SHROOM3: variants seen among roughly 807,000 people sequenced by gnomAD.
The protein encoded by SHROOM3 is shroom family member 3.
Under a neutral mutation model 138.6 loss-of-function variants are expected in SHROOM3, and 47 were observed. That is an observed-to-expected ratio of 0.34 (90% CI 0.27 to 0.43). The LOEUF (loss-of-function observed/expected upper bound fraction) is 0.43, where lower values mean the gene tolerates loss of function less well. SHROOM3 is among the 20% of genes least tolerant of loss of function. The pLI is 1.00. For missense variants in SHROOM3, 2,491 were observed against 2,596.5 expected, an observed-to-expected ratio of 0.96 and a Z score of 0.88; for synonymous variants, 1,062 against 1,063.3, an observed-to-expected ratio of 1.00 and a Z score of 0.02.
intron 2 of SHROOM3, chr4:76,689,571 A>C: frequency 1.0e-6 from 1 of 984,596 alleles, no homozygotes; most frequent in Non-Finnish European, 1.2e-6. Flanking sequence ...TGGGCCGCCC[A>C]TTGTTGAGCG....
rs146065994 is a variant in SHROOM3, at chr4:76,584,875, G to A, written c.323+29112G>A. Among the ~76,000 whole-genome samples, 12 of 151,832 alleles carry A rather than the reference G, an allele frequency of 7.9e-5. No individual in the cohort carries two copies. The East Asian group carries it at 1.7e-3, about 22-fold the overall frequency. ...AGAAAAAAGGAGGCTACTTTTGAACGAATGCATCTATGATGCCAGATCTAG... is the reference window on the plus strand; with the variant it reads ...AGAAAAAAGGAGGCTACTTTTGAACAAATGCATCTATGATGCCAGATCTAG... On this transcript the variant is annotated intron_variant, in intron 2 of 10. Transcript: ENST00000296043.
At chr4:76,676,825 C>T (rs1460731212) in intron 2 of SHROOM3, among the ~76,000 whole-genome samples, 1 of 151,854 alleles carries the variant, frequency 6.6e-6, no homozygotes, top group African/African-American at 2.4e-5. Flanking sequence ...CGCCTGTAGT[C>T]CCAGCTACTC....
At chr4:76,732,117 T>TATC (rs1477819899) in intron 4 of SHROOM3, among the ~76,000 whole-genome samples, 6 of 152,232 alleles carry the variant, frequency 3.9e-5, no homozygotes, top group African/African-American at 9.6e-5. Context: ...AACTGGAATC[T>TATC]ATCTTCTGAT....
intron 2 of SHROOM3, among the ~76,000 whole-genome samples, chr4:76,640,961 G>A (rs1299849733): frequency 1.3e-5 from 2 of 152,158 alleles, no homozygotes; most frequent in Non-Finnish European, 2.9e-5. Context: ...TACATAAATG[G>A]GAAGAAGGTT....
intron 3 of SHROOM3, among the ~76,000 whole-genome samples, chr4:76,720,334 CTTGT>C (rs1236394692): frequency 1.3e-5 from 2 of 151,752 alleles, no homozygotes. Context: ...TTGAAAGATT[CTTGT>C]TTGTTTCAAA....
chr4:76,650,438 A>G (rs1448057701), intron 2 of SHROOM3, among the ~76,000 whole-genome samples: 2 of 152,202 alleles, frequency 1.3e-5, no homozygotes, highest in East Asian at 1.9e-4. Context: ...ACTGCAGGGT[A>G]TATACCTCAA....
chr4:76,569,231 C>G (rs1733787014), intron 2 of SHROOM3, among the ~76,000 whole-genome samples: 1 of 150,522 alleles, frequency 6.6e-6, no homozygotes, highest in South Asian at 2.1e-4. Flanking sequence ...TAAAATTAGA[C>G]CGAAATCCAA....
In SHROOM3 at chr4:76,539,331, A is replaced by G. The variant is rs72866588; in HGVS notation, c.169-16278A>G. Reference sequence around the variant, plus strand: ...TATCATGTCCAGGGTCTGGGTTCTGATCAGAAGCCTTCCTCTAGGGATGGT... The same window carrying G: ...TATCATGTCCAGGGTCTGGGTTCTGGTCAGAAGCCTTCCTCTAGGGATGGT... On this transcript the variant is annotated intron_variant, in intron 1 of 10. Transcript: ENST00000296043. Among the ~76,000 whole-genome samples, 793 of 152,166 alleles carry G rather than the reference A, an allele frequency of 5.2e-3. 3 individuals carry two copies. The highest frequency in any genetic ancestry group is 0.018 in the African/African-American group (757 of 41,502).
intron 2 of SHROOM3, among the ~76,000 whole-genome samples, chr4:76,704,918 C>T (rs187692235): frequency 6.6e-6 from 1 of 152,206 alleles, no homozygotes; most frequent in Admixed American, 6.5e-5. Context: ...CAGACCATGC[C>T]AAGGAGACAC....
chr4:76,608,091 T>C (rs1734659885), intron 2 of SHROOM3, among the ~76,000 whole-genome samples: 1 of 152,162 alleles, frequency 6.6e-6, no homozygotes, highest in Non-Finnish European at 1.5e-5. Flanking sequence ...GAGGGATGCC[T>C]TCTCCTCCTG....
chr4:76,622,267 C>A (rs1735023101), intron 2 of SHROOM3, among the ~76,000 whole-genome samples: 1 of 152,058 alleles, frequency 6.6e-6, no homozygotes, highest in Non-Finnish European at 1.5e-5. Context: ...AGGACAGCCT[C>A]ATCAGCATGG....
intron 1 of SHROOM3, among the ~76,000 whole-genome samples, chr4:76,459,921 A>G (rs1731107395): frequency 6.6e-6 from 1 of 152,168 alleles, no homozygotes; most frequent in Non-Finnish European, 1.5e-5. Context: ...TTCCTCGTCT[A>G]CAAAGTATGG....
intron 2 of SHROOM3, among the ~76,000 whole-genome samples, chr4:76,581,779 T>G (rs1734058335): frequency 6.6e-6 from 1 of 152,256 alleles, no homozygotes; most frequent in Non-Finnish European, 1.5e-5. Flanking sequence ...CTGCCCAGTT[T>G]TCTTTCAACC....
rs143096207 is a variant in SHROOM3, at chr4:76,665,012, G to T, written c.324-45144G>T. ...AAATATATATATTAACAAAATAAAG[G>T]CTTCCAGGTGATTCAGATGTGCCTC... On this transcript the variant is annotated intron_variant, in intron 2 of 10. Coordinates refer to ENST00000296043, the MANE Select transcript of SHROOM3 (RefSeq NM_020859.4). Among the ~76,000 whole-genome samples, 32 of 152,170 alleles carry T rather than the reference G, an allele frequency of 2.1e-4. No homozygotes were observed. The East Asian group carries it at 5.4e-3, about 26-fold the overall frequency.
At chr4:76,609,834 A>C (rs1324027490) in intron 2 of SHROOM3, among the ~76,000 whole-genome samples, 1 of 152,202 alleles carries the variant, frequency 6.6e-6, no homozygotes, top group Non-Finnish European at 1.5e-5. Context: ...ACAATATAAA[A>C]GATAACATTA....
chr4:76,583,232 T>C (rs75750709), intron 2 of SHROOM3, among the ~76,000 whole-genome samples: 2,912 of 152,046 alleles, frequency 0.019, 68 homozygotes, highest in East Asian at 0.13. Context: ...TGCACCAGAG[T>C]TGTCTGCACT....
chr4:76,653,988 A>C (rs1736014534), intron 2 of SHROOM3, among the ~76,000 whole-genome samples: 1 of 152,156 alleles, frequency 6.6e-6, no homozygotes, highest in Non-Finnish European at 1.5e-5. Context: ...ATGGAGAAAA[A>C]CTCATATATA....
chr4:76,765,008 T>A (rs763181233), intron 9 of SHROOM3, among the ~76,000 whole-genome samples: 2 of 152,112 alleles, frequency 1.3e-5, no homozygotes, highest in East Asian at 3.9e-4. Context: ...ACAAGCTCCA[T>A]TCATTTTTTT....
intron 1 of SHROOM3, among the ~76,000 whole-genome samples, chr4:76,448,261 A>G (rs1214223891): frequency 6.6e-6 from 1 of 152,196 alleles, no homozygotes; most frequent in Non-Finnish European, 1.5e-5. Flanking sequence ...TCAACACATC[A>G]TTTATTGAGT....
Sources: gnomAD v4.1 joint callset for allele counts (sites outside exome capture counted in the v4.1 genomes callset) on GRCh38, gnomAD v4.1.1 for gene constraint, MANE v1.5 for transcripts, NCBI Gene and HGNC (gene_info 2026-07-23, HGNC 2026-07-21) for gene names.